PARD3B: variants seen among roughly 807,000 people sequenced by gnomAD.
The protein encoded by PARD3B is par-3 family cell polarity regulator beta.
In PARD3B, 103 loss-of-function variants were observed where a neutral mutation model predicts 130.2. The ratio of observed to expected loss-of-function variants is 0.79; its 90% CI spans 0.67 to 0.93. The LOEUF (loss-of-function observed/expected upper bound fraction) is 0.93. Ranked by LOEUF, PARD3B falls within the 40% of genes least tolerant of loss-of-function variation. PARD3B has a pLI of 0.00. For missense variants in PARD3B, 1,609 were observed against 1,499.2 expected (o/e 1.07, Z -1.21); for synonymous variants, 583 against 553.2 (o/e 1.05, Z -0.76).
chr2:205,506,695 A>G (rs1177564026), intron 21 of PARD3B, among the ~76,000 whole-genome samples: 3 of 152,228 alleles, frequency 2.0e-5, no homozygotes, highest in African/African-American at 4.8e-5. Flanking sequence ...GACAAGTGCC[A>G]TCAATGGTCC....
chr2:205,427,861 A>AT (rs2047197933), intron 19 of PARD3B, among the ~76,000 whole-genome samples: 1 of 152,202 alleles, frequency 6.6e-6, no homozygotes, highest in African/African-American at 2.4e-5. Flanking sequence ...GATTATACAT[A>AT]TTTAGTGTAA....
chr2:204,665,784 G>A (rs921259362), intron 1 of PARD3B, among the ~76,000 whole-genome samples: 2 of 152,180 alleles, frequency 1.3e-5, no homozygotes. Flanking sequence ...TGGGATAAAT[G>A]AGATCTAACA....
chr2:205,024,160 TTC>T (rs1696840762), intron 3 of PARD3B, among the ~76,000 whole-genome samples: 1 of 137,232 alleles, frequency 7.3e-6, no homozygotes, highest in African/African-American at 2.8e-5. Flanking sequence ...TTTTCTTTCT[TTC>T]TTTTTTTTTT....
intron 4 of PARD3B, among the ~76,000 whole-genome samples, chr2:205,096,562 G>T (rs1436525432): frequency 1.3e-5 from 2 of 152,136 alleles, no homozygotes; most frequent in African/African-American, 4.8e-5. Flanking sequence ...TCCATTGAAA[G>T]TTGTAGACTT....
At chr2:204,864,638 G>A (rs1361829579) in intron 2 of PARD3B, among the ~76,000 whole-genome samples, 1 of 152,056 alleles carries the variant, frequency 6.6e-6, no homozygotes, top group Non-Finnish European at 1.5e-5. Flanking sequence ...ACAATGTTTT[G>A]TTATCCTCCT....
At chr2:205,519,204 C>T (rs906717611) in intron 21 of PARD3B, among the ~76,000 whole-genome samples, 1 of 152,210 alleles carries the variant, frequency 6.6e-6, no homozygotes, top group Admixed American at 6.5e-5. Flanking sequence ...GCTTTCTCCC[C>T]CTCCCTTTCA....
In PARD3B at chr2:205,378,051, G is replaced by A. The variant is rs947243296; in HGVS notation, c.2631-22962G>A. On this transcript the variant is annotated intron_variant, in intron 18 of 22. Transcript: ENST00000406610. ...CTCCCAAAGTGCTGGGATTACAGGC[G>A]TGAGTCACCATGCCCAGCTGGTGTA... 1.2e-4 allele frequency among the ~76,000 whole-genome samples: 18 copies of A among 152,196 alleles called. No individual in the cohort carries two copies. In the South Asian group the frequency reaches 2.9e-3, roughly 25 times the overall value.
intron 3 of PARD3B, among the ~76,000 whole-genome samples, chr2:204,986,794 C>T (rs374096210): frequency 2.1e-4 from 32 of 152,296 alleles, no homozygotes; most frequent in African/African-American, 7.0e-4. Flanking sequence ...ATTCTTCCAT[C>T]TCTCAGCCCA....
intron 18 of PARD3B, among the ~76,000 whole-genome samples, chr2:205,326,938 C>G (rs768894866): frequency 1.3e-5 from 2 of 152,148 alleles, no homozygotes; most frequent in Non-Finnish European, 2.9e-5. Flanking sequence ...GCCCTAAGCC[C>G]TAAGTGTTCT....
intron 4 of PARD3B, among the ~76,000 whole-genome samples, chr2:205,054,426 ATATATATATATTTTTT>A (rs1288504682): frequency 0.03 from 723 of 23,782 alleles, 19 homozygotes; most frequent in African/African-American, 0.096. Flanking sequence ...ATATATATAT[ATATATATATATTTTTT>A]TTTTTTTTTT....
intron 10 of PARD3B, among the ~76,000 whole-genome samples, chr2:205,149,194 T>G (rs1037475998): frequency 3.9e-5 from 6 of 152,192 alleles, no homozygotes; most frequent in Non-Finnish European, 8.8e-5. Context: ...ACTTTTGATA[T>G]TTGTTTTCTA....
intron 19 of PARD3B, among the ~76,000 whole-genome samples, chr2:205,422,817 G>A (rs1405529457): frequency 2.5e-5 from 2 of 81,548 alleles, no homozygotes; most frequent in East Asian, 3.7e-4. Flanking sequence ...GAATGCCATG[G>A]TCAGGACTGA....
In PARD3B at chr2:204,606,082, A is replaced by G. The variant is rs1172333772; in HGVS notation, c.120+59963A>G. On this transcript the variant is annotated intron_variant, in intron 1 of 22. Transcript: ENST00000406610. The surrounding 1 kb of genome is among the most constrained non-coding windows in gnomAD (Gnocchi z 4.0). The stretch of plus-strand genomic sequence containing the variant: ...TTTAGAGGGTTTTCAGTAGATGGAA[A>G]CTGGAATTTTATATCTCATTTCACT... Among the ~76,000 whole-genome samples, 2 of 152,068 alleles carry G rather than the reference A, an allele frequency of 1.3e-5. No individual in the cohort carries two copies. The highest frequency in any genetic ancestry group is 2.9e-5 in the Non-Finnish European group (2 of 67,994).
chr2:205,165,664 G>C (rs1576029303), intron 11 of PARD3B, among the ~76,000 whole-genome samples: 1 of 151,530 alleles, frequency 6.6e-6, no homozygotes. Context: ...GTTGCAATGA[G>C]CCGAGATCAT....
intron 4 of PARD3B, among the ~76,000 whole-genome samples, chr2:205,090,859 T>C (rs1224157709): frequency 6.6e-6 from 1 of 152,138 alleles, no homozygotes; most frequent in African/African-American, 2.4e-5. Flanking sequence ...ATGAAGCTGG[T>C]TTGTAGCTCT....
intron 16 of PARD3B, among the ~76,000 whole-genome samples, chr2:205,249,479 G>T (rs1218799404): frequency 6.6e-6 from 1 of 151,810 alleles, no homozygotes; most frequent in Non-Finnish European, 1.5e-5. Flanking sequence ...AATATTTTTG[G>T]TACCCTTTTC....
At position 204,994,968 on chromosome 2, in the gene PARD3B, G is replaced by A. The variant is rs1184739987; in HGVS notation, c.394+29645G>A. Reference sequence around the variant, plus strand: ...CTCCATCCTTTTATTTTGAGCCTATGTGTGTCTCTGCACGTGAGATGGGTT... The same window carrying A: ...CTCCATCCTTTTATTTTGAGCCTATATGTGTCTCTGCACGTGAGATGGGTT... On this transcript the variant is annotated intron_variant, in intron 3 of 22. Transcript: ENST00000406610. Among the ~76,000 whole-genome samples the A allele has an allele frequency of 5.3e-4, 80 of 150,992 alleles. 2 individuals carry two copies. In the East Asian group the frequency reaches 0.014, roughly 26 times the overall value.
intron 3 of PARD3B, among the ~76,000 whole-genome samples, chr2:204,998,303 G>T (rs1356750758): frequency 1.7e-5 from 2 of 115,060 alleles, no homozygotes; most frequent in South Asian, 2.7e-4. Flanking sequence ...ATGTATCCCA[G>T]AACTTAAAGT....
chr2:205,522,282 CT>C (rs201118885), intron 21 of PARD3B, among the ~76,000 whole-genome samples: 4,931 of 150,192 alleles, frequency 0.033, 171 homozygotes, highest in South Asian at 0.13. Context: ...AGCTAATGTT[CT>C]TTTTTTTTCT....
Sources: gnomAD v4.1 joint callset for allele counts (sites outside exome capture counted in the v4.1 genomes callset) on GRCh38, gnomAD v4.1.1 for gene constraint, Gnocchi (gnomAD v3.1) non-coding constraint, MANE v1.5 for transcripts, NCBI Gene and HGNC (gene_info 2026-07-23, HGNC 2026-07-21) for gene names.